The following PARN variants were observed in gnomAD, a reference collection of about 807,000 sequenced individuals.
PARN encodes the protein poly(A)-specific ribonuclease PARN.
A neutral mutation model predicts 102.8 loss-of-function variants in PARN; 71 were observed. That is an observed-to-expected ratio of 0.69 (90% CI 0.57 to 0.84). The LOEUF (loss-of-function observed/expected upper bound fraction) is 0.84, where lower values mean the gene tolerates loss of function less well. Ranked by LOEUF, PARN falls within the 40% of genes least tolerant of loss-of-function variation. PARN has a pLI of 0.00. For missense variants in PARN, 782 were observed against 760.9 expected (o/e 1.03, Z -0.33); for synonymous variants, 261 against 252.9 (o/e 1.03, Z -0.30).
At chr16:14,561,421 A>C (rs1257748905) in intron 18 of PARN, among the ~76,000 whole-genome samples, 1 of 152,238 alleles carries the variant, frequency 6.6e-6, no homozygotes, top group African/African-American at 2.4e-5. Flanking sequence ...AAAACAGTAT[A>C]TTCAATGTGG....
intron 21 of PARN, among the ~76,000 whole-genome samples, chr16:14,486,644 C>T (rs1963716615): frequency 6.6e-6 from 1 of 152,224 alleles, no homozygotes; most frequent in Non-Finnish European, 1.5e-5. Flanking sequence ...CTTTTCACTG[C>T]TGGCCTCCAC....
chr16:14,596,617 C>T (rs1411241153), intron 12 of PARN, among the ~76,000 whole-genome samples: 1 of 151,884 alleles, frequency 6.6e-6, no homozygotes, highest in Non-Finnish European at 1.5e-5. Context: ...GTACTGCATG[C>T]CTGTAGTCCC....
chr16:14,595,217 A>G (rs1425698848), intron 12 of PARN, among the ~76,000 whole-genome samples: 2 of 152,210 alleles, frequency 1.3e-5, no homozygotes, highest in Non-Finnish European at 2.9e-5. Context: ...TAATGGAAGT[A>G]ATAGAAACTG....
chr16:14,603,881 T>C (rs1305363843), intron 11 of PARN, among the ~76,000 whole-genome samples: 3 of 152,214 alleles, frequency 2.0e-5, no homozygotes, highest in Middle Eastern at 3.2e-3. Context: ...TGACACAAGC[T>C]AAATGAGAAT....
intron 13 of PARN, among the ~76,000 whole-genome samples, chr16:14,589,073 G>A (rs1328937300): frequency 1.3e-5 from 2 of 151,770 alleles, no homozygotes; most frequent in Admixed American, 6.6e-5. Context: ...CCAGCTACTC[G>A]GGAGGCTAAG....
chr16:14,570,321 C>CAAAAAA (rs59965954), intron 18 of PARN, among the ~76,000 whole-genome samples: 15 of 63,066 alleles, frequency 2.4e-4, no homozygotes, highest in East Asian at 1.2e-3. Context: ...GACTCTGTCT[C>CAAAAAA]AAAAAAAAAA....
At chr16:14,504,573 TA>T (rs763820214) in intron 21 of PARN, among the ~76,000 whole-genome samples, 21 of 151,214 alleles carry the variant, frequency 1.4e-4, no homozygotes, top group Non-Finnish European at 3.0e-4. Context: ...AATAAATAAA[TA>T]AAATAAATAA....
chr16:14,537,880 T>G (rs774419604), intron 21 of PARN, among the ~76,000 whole-genome samples: 3 of 152,156 alleles, frequency 2.0e-5, no homozygotes, highest in Non-Finnish European at 4.4e-5. Context: ...GGAAGGTGAA[T>G]GTGGTAAATG....
intron 18 of PARN, among the ~76,000 whole-genome samples, chr16:14,578,331 CA>C (rs1199897215): frequency 3.0e-3 from 134 of 44,964 alleles, no homozygotes; most frequent in African/African-American, 9.6e-3. Flanking sequence ...TCTGTCTCAC[CA>C]AAAAAAAAAA....
chr16:14,443,888 G>A (rs1190251231), intron 23 of PARN, among the ~76,000 whole-genome samples: 3 of 152,070 alleles, frequency 2.0e-5, no homozygotes, highest in African/African-American at 2.4e-5. Flanking sequence ...CACACCCAAC[G>A]CCTCAGCACC....
intron 21 of PARN, among the ~76,000 whole-genome samples, chr16:14,511,526 A>C (rs1184872110): frequency 6.6e-6 from 1 of 152,174 alleles, no homozygotes; most frequent in African/African-American, 2.4e-5. Flanking sequence ...CTAATCAACA[A>C]TACATCACAC....
chr16:14,471,702 T>C (rs1423729627), intron 22 of PARN, among the ~76,000 whole-genome samples: 1 of 152,166 alleles, frequency 6.6e-6, no homozygotes, highest in East Asian at 1.9e-4. Flanking sequence ...CTACTTTCTG[T>C]CTCTATGAAT....
intron 21 of PARN, among the ~76,000 whole-genome samples, chr16:14,508,189 CAGAT>C (rs955854591): frequency 4.0e-5 from 6 of 151,564 alleles, no homozygotes; most frequent in Non-Finnish European, 5.9e-5. Flanking sequence ...GGCAGGCAGG[CAGAT>C]AGATAGATAG....
intron 5 of PARN, among the ~76,000 whole-genome samples, chr16:14,621,551 G>A (rs1055422349): frequency 1.6e-4 from 25 of 152,266 alleles, no homozygotes; most frequent in Non-Finnish European, 3.5e-4. Context: ...GGTGGCTCAC[G>A]CCTGTAATCC....
At chr16:14,608,752 G>A (rs533285758) in intron 8 of PARN, among the ~76,000 whole-genome samples, 75 of 152,280 alleles carry the variant, frequency 4.9e-4, no homozygotes, top group Middle Eastern at 3.4e-3. Context: ...TCTTTCTTCT[G>A]AAGCCTTCAC....
chr16:14,578,709 G>A (rs1969318039), intron 18 of PARN: 1 of 151,784 alleles, frequency 6.6e-6, no homozygotes, highest in Non-Finnish European at 1.5e-5. Context: ...TTCAAATCTT[G>A]CAGGAATATT....
chr16:14,620,309 G>A (rs1242792753), intron 5 of PARN, among the ~76,000 whole-genome samples: 10 of 150,434 alleles, frequency 6.6e-5, no homozygotes, highest in Admixed American at 2.0e-4. Flanking sequence ...CCAGGGAGGC[G>A]GAGCTTGCAG....
chr16:14,482,881 A>G, intron 21 of PARN, 54 bp from the exon 22 acceptor site: 1 of 1,444,454 alleles, frequency 6.9e-7, no homozygotes, highest in Non-Finnish European at 9.3e-7. Context: ...GCCTAGCCCC[A>G]AAGATGACAC....
intron 22 of PARN, among the ~76,000 whole-genome samples, chr16:14,447,789 T>C (rs1961266621): frequency 6.6e-6 from 1 of 152,168 alleles, no homozygotes; most frequent in African/African-American, 2.4e-5. Context: ...TCTTAGAGAT[T>C]TTTTTATTAT....
Sources: gnomAD v4.1 joint callset for allele counts (sites outside exome capture counted in the v4.1 genomes callset) on GRCh38, gnomAD v4.1.1 for gene constraint, MANE v1.5 for transcripts, NCBI Gene and HGNC (gene_info 2026-07-23, HGNC 2026-07-21) for gene names.